Variants in FBXL4 observed in about 807,000 individuals in gnomAD.
FBXL4 encodes F-box and leucine rich repeat protein 4, also known as F-box/LRR-repeat protein 4.
In FBXL4, 40 loss-of-function variants were observed where a neutral mutation model predicts 58.9. The observed-to-expected ratio is 0.68, with a 90% CI of 0.53 to 0.88. FBXL4 has a LOEUF of 0.88. Ranked by LOEUF, FBXL4 falls within the 40% of genes least tolerant of loss-of-function variation. The pLI is 0.00. For missense variants in FBXL4, 676 were observed against 734.4 expected, an observed-to-expected ratio of 0.92 and a Z score of 0.92; for synonymous variants, 263 against 265.5, an observed-to-expected ratio of 0.99 and a Z score of 0.09.
Position 98,917,397 on chromosome 6 carries a change from A to G in FBXL4, c.835T>C (p.Tyr279His), listed in dbSNP as rs1772400604. ...AVLGEGPNNG[Y>H]FDKLPYELIQ... ...ACCTCATAAGGTAGTTTATCAAAAT[A>G]CCCATTATTTGGCCCTTCCCCGAGG... The change falls in exon 5 of 10, where the codon TAT becomes CAT. Residue 279 changes from tyrosine (Y) to histidine (H), a missense_variant. Physicochemically the swap from Tyr to His is moderately conservative, Grantham distance 83. Coordinates refer to ENST00000369244, the MANE Select transcript of FBXL4 (RefSeq NM_001278716.2). 1 of 1,608,348 alleles carries G rather than the reference A, an allele frequency of 6.2e-7. No individual in the cohort carries two copies. Among genetic ancestry groups the G allele is most frequent in the African/African-American group, 1.3e-5 (1 of 74,760 alleles).
intron 7 of FBXL4, among the ~76,000 whole-genome samples, chr6:98,889,221 T>C (rs1038986201): frequency 4.6e-5 from 7 of 152,334 alleles, no homozygotes; most frequent in Admixed American, 1.3e-4. Flanking sequence ...CGGACCTTCC[T>C]ATACAACTCA....
intron 1 of FBXL4, among the ~76,000 whole-genome samples, chr6:98,940,986 T>C (rs568328772): frequency 9.2e-5 from 14 of 152,304 alleles, no homozygotes; most frequent in Non-Finnish European, 1.2e-4. Context: ...CAAAATCATA[T>C]AGCCACTTTG....
chr6:98,911,324 C>A (rs187995079), intron 5 of FBXL4, among the ~76,000 whole-genome samples: 131 of 152,292 alleles, frequency 8.6e-4, no homozygotes, highest in African/African-American at 3.1e-3. Context: ...TTGAGGAGAG[C>A]AGTGGTTCTC....
At chr6:98,923,354 T>A (rs1419519142) in intron 4 of FBXL4, among the ~76,000 whole-genome samples, 1 of 151,958 alleles carries the variant, frequency 6.6e-6, no homozygotes, top group Non-Finnish European at 1.5e-5. Context: ...TCTGGGAAGC[T>A]GGATCCAAAA....
At position 98,888,750 on chromosome 6, in the gene FBXL4, A is replaced by C. The variant is rs145580741; in HGVS notation, c.1318-8126T>G. On this transcript the variant is annotated intron_variant, in intron 7 of 9. Coordinates refer to ENST00000369244, the MANE Select transcript of FBXL4 (RefSeq NM_001278716.2). The stretch of plus-strand genomic sequence containing the variant: ...AAAGGGCAACCTTACTTAAACAACT[A>C]TGGCAAGGCATTCACTAAGGAGTGA... Among the ~76,000 whole-genome samples, 34 of 152,320 alleles carry C rather than the reference A, an allele frequency of 2.2e-4. No homozygotes were observed. In the East Asian group the frequency reaches 6.2e-3, roughly 28 times the overall value.
At chr6:98,905,080 T>C (rs1397162401) in intron 6 of FBXL4, among the ~76,000 whole-genome samples, 1 of 152,128 alleles carries the variant, frequency 6.6e-6, no homozygotes, top group African/African-American at 2.4e-5. Flanking sequence ...ATTAGAGAGG[T>C]AGATTTTGAT....
intron 4 of FBXL4, among the ~76,000 whole-genome samples, chr6:98,918,703 T>G (rs1048106193): frequency 3.3e-5 from 5 of 152,130 alleles, no homozygotes; most frequent in African/African-American, 1.2e-4. Context: ...TCCTAATTAT[T>G]TACTTTTGCT....
chr6:98,933,643 C>T (rs1467243658), intron 2 of FBXL4, among the ~76,000 whole-genome samples: 1 of 152,154 alleles, frequency 6.6e-6, no homozygotes, highest in African/African-American at 2.4e-5. Flanking sequence ...TTCTTACATG[C>T]TGAAATATTT....
rs1051080930 is a variant in FBXL4, at chr6:98,907,184, G to A, written c.859-1514C>T. ...CTTCAAAGAGTCAGGGGCAAACCAG[G>A]TGAAAAGAGAGTCTAGTGGCAAAGA... On this transcript the variant is annotated intron_variant, in intron 5 of 9. Transcript: ENST00000369244. Among the ~76,000 whole-genome samples the A allele has an allele frequency of 5.9e-5, 9 of 152,286 alleles. No homozygotes were observed. The East Asian group carries it at 7.7e-4, about 13-fold the overall frequency.
At position 98,917,592 on chromosome 6, in the gene FBXL4, G is replaced by T; in HGVS notation, c.640C>A (p.Leu214Met). 6.2e-7 allele frequency: 1 copy of T among 1,613,992 alleles called. No individual in the cohort carries two copies. Among genetic ancestry groups the T allele is most frequent in the African/African-American group, 1.3e-5 (1 of 75,034 alleles). ...LIRLEVNSSL[L>M]EYYTELDAVV... ...GCATCTAATTCAGTGTAATATTCCA[G>T]AAGAGAACTATTTACTTCCAGTCGT... The change falls in exon 5 of 10, where the codon CTG becomes ATG. Residue 214 changes from leucine (L) to methionine (M), a missense_variant. Transcript: ENST00000369244.
intron 5 of FBXL4, among the ~76,000 whole-genome samples, chr6:98,910,227 G>GT (rs1771983304): frequency 2.6e-5 from 4 of 152,100 alleles, no homozygotes. Context: ...GTGGGGAGAG[G>GT]TTTTCATGTC....
intron 7 of FBXL4, chr6:98,898,401 G>A: frequency 3.0e-6 from 3 of 985,300 alleles, no homozygotes; most frequent in Non-Finnish European, 3.6e-6. Context: ...GTAAGTATGT[G>A]TAAAACCATG....
intron 5 of FBXL4, among the ~76,000 whole-genome samples, chr6:98,910,252 T>C (rs1022179871): frequency 1.3e-5 from 2 of 152,180 alleles, no homozygotes; most frequent in African/African-American, 4.8e-5. Context: ...AGCCCTAGAA[T>C]GCTACTAGCA....
chr6:98,941,553 G>A (rs1044227845), intron 1 of FBXL4, among the ~76,000 whole-genome samples: 2 of 152,134 alleles, frequency 1.3e-5, no homozygotes, highest in Non-Finnish European at 2.9e-5. Context: ...TTATGCACAC[G>A]CTAGCTTACT....
At chr6:98,884,879 T>C (rs1287188362) in intron 7 of FBXL4, among the ~76,000 whole-genome samples, 1 of 152,166 alleles carries the variant, frequency 6.6e-6, no homozygotes, top group Non-Finnish European at 1.5e-5. Context: ...GTTAGAGTGG[T>C]TTGAAAAATA....
chr6:98,881,610 C>T (rs1770855635), intron 7 of FBXL4, among the ~76,000 whole-genome samples: 1 of 151,942 alleles, frequency 6.6e-6, no homozygotes, highest in East Asian at 1.9e-4. Flanking sequence ...TAAAGATTCT[C>T]ATTGAGAAAA....
intron 1 of FBXL4, among the ~76,000 whole-genome samples, chr6:98,944,186 C>G (rs195827): frequency 0.69 from 104,844 of 152,060 alleles, 37,000 homozygotes; most frequent in African/African-American, 0.85. Context: ...AATAATCTTC[C>G]GGTGGAAACC....
intron 7 of FBXL4, among the ~76,000 whole-genome samples, chr6:98,894,159 G>A (rs1359531392): frequency 1.3e-5 from 2 of 152,180 alleles, no homozygotes; most frequent in African/African-American, 4.8e-5. Flanking sequence ...GAGCCCCTGA[G>A]CCCAGCTGAA....
chr6:98,915,748 AC>A (rs1384141100), intron 5 of FBXL4, among the ~76,000 whole-genome samples: 1 of 152,216 alleles, frequency 6.6e-6, no homozygotes, highest in Non-Finnish European at 1.5e-5. Context: ...ACCATTCAGG[AC>A]ATAGACATGG....
Sources: allele counts gnomAD v4.1 joint callset (sites outside exome capture counted in the v4.1 genomes callset), GRCh38; gene constraint gnomAD v4.1.1; transcripts MANE v1.5; gene names NCBI Gene and HGNC (gene_info 2026-07-23, HGNC 2026-07-21).